The following CCDC197 variants were observed in gnomAD, a reference collection of about 807,000 sequenced individuals.
The protein encoded by CCDC197 is uncharacterized protein CCDC197.
A neutral mutation model predicts 13.4 loss-of-function variants in CCDC197; 24 were observed. The observed-to-expected ratio is 1.80, with a 90% confidence interval of 1.30 to 2.53. The LOEUF (loss-of-function observed/expected upper bound fraction) is 2.53. Among genes scored for constraint, CCDC197 ranks in the 30% most tolerant of loss-of-function variants. The pLI is 0.00. For synonymous variants in CCDC197, 99 were observed against 55.5 expected (o/e 1.78, Z -3.48); for missense variants, 255 against 148.8 (o/e 1.71, Z -3.71).
chr14:94,009,003 A>C (rs1890764452), downstream of CCDC197: 1 of 548,334 alleles, frequency 1.8e-6, no homozygotes, highest in Non-Finnish European at 3.3e-6. Flanking sequence ...GATCCAGGTA[A>C]GGCCTGCCTG....
chr14:94,007,677 G>C (rs1361695194), intron 6 of CCDC197: 2 of 152,178 alleles, frequency 1.3e-5, no homozygotes, highest in Non-Finnish European at 2.9e-5. Flanking sequence ...CCTAGGCTCA[G>C]AGGCATCATC....
intron 3 of CCDC197, 103 bp from the exon 4 acceptor site, chr14:94,001,042 G>A: frequency 1.6e-6 from 1 of 638,810 alleles, no homozygotes; most frequent in Non-Finnish European, 2.9e-6. Context: ...GGACTGTCTG[G>A]CACCTCTCAA....
chr14:93,996,305 C>T (rs1018157539), upstream of CCDC197, among the ~76,000 whole-genome samples: 7 of 152,210 alleles, frequency 4.6e-5, no homozygotes, highest in Non-Finnish European at 2.9e-5. Flanking sequence ...CATGGAGAGG[C>T]AGCCCTGGGC....
chr14:93,990,224 C>G (rs1368906861), intron 1 of CCDC197, among the ~76,000 whole-genome samples: 2 of 152,314 alleles, frequency 1.3e-5, no homozygotes, highest in East Asian at 3.9e-4. Context: ...GATGTGACTG[C>G]TCACCACATT....
chr14:93,990,533 A>G (rs931603620), intron 1 of CCDC197, among the ~76,000 whole-genome samples: 2 of 152,112 alleles, frequency 1.3e-5, no homozygotes, highest in African/African-American at 4.8e-5. Flanking sequence ...AGGCCAGCCT[A>G]TTTTCCAGGA....
chr14:94,000,487 G>C (rs911210168), intron 3 of CCDC197, among the ~76,000 whole-genome samples: 1 of 152,162 alleles, frequency 6.6e-6, no homozygotes, highest in Non-Finnish European at 1.5e-5. Context: ...CTCTCATGGG[G>C]CTCAAATGGG....
chr14:93,988,702 G>A (rs1286021744), intron 1 of CCDC197, among the ~76,000 whole-genome samples: 4 of 73,954 alleles, frequency 5.4e-5, no homozygotes, highest in Non-Finnish European at 7.9e-5. Flanking sequence ...GGAGAGGGGC[G>A]GAAGGAGGGG....
At chr14:94,007,216 G>A (rs144366442) in intron 6 of CCDC197, 1 of 152,204 alleles carries the variant, frequency 6.6e-6, no homozygotes, top group East Asian at 1.9e-4. Context: ...GGGTCATGAA[G>A]ATTTACACCT....
At chr14:94,008,229 T>TA (rs1387159834) in intron 6 of CCDC197, among the ~76,000 whole-genome samples, 2 of 152,220 alleles carry the variant, frequency 1.3e-5, no homozygotes, top group Non-Finnish European at 2.9e-5. Context: ...AGCATTCTGC[T>TA]AGGCAACAGG....
chr14:93,987,354 C>T (rs954624586), exon 1 of CCDC197: 6 of 152,374 alleles, frequency 3.9e-5, no homozygotes, highest in East Asian at 3.8e-4. Flanking sequence ...GGCTGCCGTG[C>T]ATTGCCTTTT....
rs1890355907 is a variant in CCDC197 at position 93,997,546 on chromosome 14, C to T, written c.-159C>T. Reference sequence around the variant, plus strand: ...TTGACCATGAGCTTCTTCAAGGCATCTCTTCTCAGTCTCCACTGTAGCTCT... The same window carrying T: ...TTGACCATGAGCTTCTTCAAGGCATTTCTTCTCAGTCTCCACTGTAGCTCT... On this transcript the variant is annotated 5_prime_UTR_variant, in exon 1 of 7. Coordinates refer to ENST00000636493, the MANE Select transcript of CCDC197 (RefSeq NM_001351596.2). The T allele has an allele frequency of 6.6e-6, 1 of 152,292 alleles. No homozygotes were observed. Among genetic ancestry groups the T allele is most frequent in the Admixed American group, 6.5e-5 (1 of 15,308 alleles). 9.4% of individuals were successfully genotyped at this position (152,292 alleles called of 1,614,324 possible).
At chr14:93,997,087 T>A (rs529213150), upstream of CCDC197, 1 of 152,242 alleles carries the variant, frequency 6.6e-6, no homozygotes, top group Non-Finnish European at 1.5e-5. Flanking sequence ...AGGACAAAAA[T>A]AGCCCAAGTC....
At chr14:93,995,351 G>T (rs1347831840), upstream of CCDC197, among the ~76,000 whole-genome samples, 1 of 152,194 alleles carries the variant, frequency 6.6e-6, no homozygotes, top group African/African-American at 2.4e-5. Flanking sequence ...AAGACTTGGG[G>T]GTGATGGGGT....
chr14:94,009,747 T>A (rs757846831), downstream of CCDC197, among the ~76,000 whole-genome samples: 12 of 151,964 alleles, frequency 7.9e-5, no homozygotes, highest in Non-Finnish European at 1.8e-4. Flanking sequence ...ACAGGGGTGG[T>A]GGTGAGAGGA....
intron 1 of CCDC197, among the ~76,000 whole-genome samples, chr14:93,990,731 A>T (rs1343441500): frequency 6.6e-6 from 1 of 152,206 alleles, no homozygotes. Flanking sequence ...GCTGGAGAGC[A>T]TTCAGGAGAG....
intron 3 of CCDC197, among the ~76,000 whole-genome samples, chr14:94,000,195 A>G (rs185015302): frequency 2.6e-4 from 39 of 152,316 alleles, no homozygotes; most frequent in African/African-American, 9.1e-4. Context: ...TTTCAACACC[A>G]TCAATAATAA....
rs1032306640 is a variant in CCDC197, at chr14:94,008,628, T to A, written c.635T>A (p.Met212Lys). The change falls in exon 7 of 7, where the codon ATG becomes AAG. Residue 212 changes from methionine to lysine, a missense_variant. Met to Lys is a moderately conservative substitution (Grantham distance 95). Coordinates refer to ENST00000636493, the MANE Select transcript of CCDC197 (RefSeq NM_001351596.2). ...DLIKEFMLDK[M>K]ETVRLIALLT... ...TCCCAGGAGTTCATGTTGGACAAAA[T>A]GGAGACTGTAAGACTGATCGCACTG... 1 of 702,416 alleles carries A rather than the reference T, an allele frequency of 1.4e-6. No homozygotes were observed. The highest frequency in any genetic ancestry group is 1.7e-5 in the African/African-American group (1 of 57,236). 43.5% of individuals were successfully genotyped at this position (702,416 alleles called of 1,614,324 possible).
At chr14:94,005,098 T>A in intron 6 of CCDC197, 127 bp downstream of exon 6, 1 of 607,798 alleles carries the variant, frequency 1.6e-6, no homozygotes, top group Non-Finnish European at 3.0e-6. Flanking sequence ...TTTCCATAGC[T>A]ACATTGGTGC....
At chr14:94,000,795 C>T (rs1890470818) in intron 3 of CCDC197, 1 of 186,712 alleles carries the variant, frequency 5.4e-6, no homozygotes, top group African/African-American at 2.3e-5. Context: ...GGCACTTGCT[C>T]GCTCAGGACA....
Sources: gnomAD v4.1 joint callset for allele counts (sites outside exome capture counted in the v4.1 genomes callset) on GRCh38, gnomAD v4.1.1 for gene constraint, MANE v1.5 for transcripts, NCBI Gene and HGNC (gene_info 2026-07-23, HGNC 2026-07-21) for gene names.